NOVA1: variants seen among roughly 807,000 people sequenced by gnomAD.
NOVA1 encodes the protein RNA-binding protein Nova-1.
Under a neutral mutation model 38.0 loss-of-function variants are expected in NOVA1, and 7 were observed. The ratio of observed to expected loss-of-function variants is 0.18; its 90% CI spans 0.10 to 0.35. The LOEUF (loss-of-function observed/expected upper bound fraction) is 0.35, where lower values mean the gene tolerates loss of function less well. NOVA1 is among the 10% of genes least tolerant of loss of function. The pLI, the probability that NOVA1 is intolerant of heterozygous loss-of-function variation, is 1.00. For missense variants in NOVA1, 460 were observed against 616.0 expected, an observed-to-expected ratio of 0.75 and a Z score of 2.68; for synonymous variants, 270 against 232.5, an observed-to-expected ratio of 1.16 and a Z score of -1.47.
chr14:26,596,955 G>T, intron 1 of NOVA1: 1 of 1,204,464 alleles, frequency 8.3e-7, no homozygotes, highest in Admixed American at 3.9e-5. Flanking sequence ...CTCACTCCGG[G>T]GTCATCCTCC....
intron 1 of NOVA1, chr14:26,596,916 C>G: frequency 1.7e-6 from 2 of 1,177,962 alleles, no homozygotes; most frequent in Non-Finnish European, 2.1e-6. Flanking sequence ...GACTGTTAAA[C>G]GCAGCGCGCA....
intron 2 of NOVA1, among the ~76,000 whole-genome samples, chr14:26,569,749 G>A (rs1892357668): frequency 6.6e-6 from 1 of 152,108 alleles, no homozygotes; most frequent in South Asian, 2.1e-4. Flanking sequence ...CTATAAACTT[G>A]AGAGCACAGT....
At chr14:26,493,203 T>C (rs1387584831) in intron 2 of NOVA1, among the ~76,000 whole-genome samples, 1 of 152,170 alleles carries the variant, frequency 6.6e-6, no homozygotes, top group African/African-American at 2.4e-5. Context: ...TAGGGGCTAA[T>C]AGTGACATGT....
chr14:26,596,637 G>A, intron 1 of NOVA1: 1 of 1,289,084 alleles, frequency 7.8e-7, no homozygotes, highest in Non-Finnish European at 1.0e-6. Flanking sequence ...AGCGATATCG[G>A]TCCCGTTAAA....
rs1343343477 is a variant in NOVA1 at position 26,446,609 on chromosome 14, C to G, written c.*1350G>C. The G allele has an allele frequency of 1.3e-5, 2 of 152,694 alleles. No homozygotes were observed. The highest frequency in any genetic ancestry group is 1.9e-4 in the East Asian group (1 of 5,186). 9.5% of individuals were successfully genotyped at this position (152,694 alleles called of 1,614,324 possible). On this transcript the variant is annotated 3_prime_UTR_variant, in exon 5 of 5. Transcript: ENST00000539517. ...TGAGGAGGTGCTTGGGGATGGATGC[C>G]CCTATGAGTGGCCTTGAGTGGGCAA...
chr14:26,498,009 T>C (rs1886944675), intron 2 of NOVA1, among the ~76,000 whole-genome samples: 2 of 152,340 alleles, frequency 1.3e-5, no homozygotes, highest in Admixed American at 1.3e-4. Context: ...CTTTTTAATG[T>C]AGAAATTCTG....
intron 2 of NOVA1, among the ~76,000 whole-genome samples, chr14:26,510,723 G>A (rs1285373913): frequency 6.6e-6 from 1 of 152,032 alleles, no homozygotes; most frequent in Non-Finnish European, 1.5e-5. Flanking sequence ...TGGACAAAAG[G>A]CTTTAAACAC....
chr14:26,563,709 G>A (rs1305198002), intron 2 of NOVA1, among the ~76,000 whole-genome samples: 1 of 152,000 alleles, frequency 6.6e-6, no homozygotes, highest in Admixed American at 6.6e-5. Context: ...TAGGATGCAT[G>A]TGAAAAATAT....
rs539479805 is a variant in NOVA1 at position 26,502,753 on chromosome 14, T to A, written c.281-22610A>T. ...TGTAAATAAAATATTTTGACAATTA[T>A]AATTTTTCCTAAGTAAACTCAAAAA... On this transcript the variant is annotated intron_variant, in intron 2 of 4. Coordinates refer to ENST00000539517, the MANE Select transcript of NOVA1 (RefSeq NM_002515.3). Among the ~76,000 whole-genome samples the A allele has an allele frequency of 3.8e-3, 583 of 152,142 alleles. 27 individuals carry two copies. Among genetic ancestry groups the A allele is most frequent in the Admixed American group, 0.036 (553 of 15,262 alleles).
At chr14:26,512,136 G>C (rs1376292755) in intron 2 of NOVA1, among the ~76,000 whole-genome samples, 1 of 152,088 alleles carries the variant, frequency 6.6e-6, no homozygotes, top group Non-Finnish European at 1.5e-5. Flanking sequence ...GCTTGAATAA[G>C]AGTATATATT....
In NOVA1 at chr14:26,445,844, A is replaced by G. The variant is rs1882024708; in HGVS notation, c.*2115T>C. ...GTTAATGTATTATAAATGATCTGAG[A>G]CTTGTGACATGCAAGGAAAAAATGA... On this transcript the variant is annotated 3_prime_UTR_variant, in exon 5 of 5. Transcript: ENST00000539517. 1.3e-5 allele frequency: 2 copies of G among 152,588 alleles called. No homozygotes were observed. Among genetic ancestry groups the G allele is most frequent in the African/African-American group, 4.8e-5 (2 of 41,438 alleles). 9.5% of individuals were successfully genotyped at this position (152,588 alleles called of 1,614,324 possible).
rs1412957878 is a variant in NOVA1 at position 26,446,771 on chromosome 14, G to A, written c.*1188C>T. The A allele has an allele frequency of 6.6e-6, 1 of 152,626 alleles. No homozygotes were observed. Among genetic ancestry groups the A allele is most frequent in the Non-Finnish European group, 1.5e-5 (1 of 68,074 alleles). 9.5% of individuals were successfully genotyped at this position (152,626 alleles called of 1,614,324 possible). A position where few individuals can be genotyped will look rare whatever the true frequency, so the allele number is the denominator to read the frequency against. ...TGACCTGTCAAAAAGCCTGACAAAG[G>A]TAGATAACACTACCTCTCAAGATAA... On this transcript the variant is annotated 3_prime_UTR_variant, in exon 5 of 5. Transcript: ENST00000539517.
chr14:26,555,115 T>C (rs895067733), intron 2 of NOVA1, among the ~76,000 whole-genome samples: 2 of 152,068 alleles, frequency 1.3e-5, no homozygotes, highest in Admixed American at 6.5e-5. Context: ...ATTCTTGTTT[T>C]ATAGGAACAC....
At chr14:26,574,274 C>CCA (rs1555330467) in intron 2 of NOVA1, among the ~76,000 whole-genome samples, 2 of 96,250 alleles carry the variant, frequency 2.1e-5, no homozygotes, top group African/African-American at 8.3e-5. Flanking sequence ...TCCACCCCCC[C>CCA]CCCCCCGCCC....
At chr14:26,587,669 T>C (rs1022970842) in intron 2 of NOVA1, among the ~76,000 whole-genome samples, 7 of 151,266 alleles carry the variant, frequency 4.6e-5, no homozygotes, top group African/African-American at 1.7e-4. Flanking sequence ...AGAGCTTACT[T>C]ACCTCCAACA....
intron 2 of NOVA1, among the ~76,000 whole-genome samples, chr14:26,495,562 T>G (rs1002949617): frequency 1.3e-5 from 2 of 151,390 alleles, no homozygotes; most frequent in African/African-American, 4.9e-5. Context: ...TAGTTACATA[T>G]GTATACATGT....
intron 2 of NOVA1, among the ~76,000 whole-genome samples, chr14:26,551,729 A>G (rs1891171616): frequency 6.6e-6 from 1 of 152,044 alleles, no homozygotes. Context: ...CTAAATTTGA[A>G]GAATCTAGCA....
intron 2 of NOVA1, among the ~76,000 whole-genome samples, chr14:26,527,902 A>C (rs909280339): frequency 6.6e-6 from 1 of 152,210 alleles, no homozygotes; most frequent in African/African-American, 2.4e-5. Flanking sequence ...TCTTCAGGCA[A>C]GAGGTACAAT....
chr14:26,480,177 C>A, intron 2 of NOVA1, 34 bp from the exon 3 acceptor site: 1 of 1,556,324 alleles, frequency 6.4e-7, no homozygotes, highest in South Asian at 1.2e-5. Flanking sequence ...AGAAAATATT[C>A]CACACTTTGC....
Sources: gnomAD v4.1 joint callset for allele counts (sites outside exome capture counted in the v4.1 genomes callset) on GRCh38, gnomAD v4.1.1 for gene constraint, MANE v1.5 for transcripts, NCBI Gene and HGNC (gene_info 2026-07-23, HGNC 2026-07-21) for gene names.